FANCM: variants seen among roughly 807,000 people sequenced by gnomAD.
FANCM encodes the protein Fanconi anemia group M protein.
FANCM carries 140 observed loss-of-function variants against 199.5 expected under a neutral mutation model. The observed-to-expected ratio is 0.70, with a 90% confidence interval of 0.61 to 0.81. The LOEUF (loss-of-function observed/expected upper bound fraction) is 0.81. FANCM is among the 30% of genes least tolerant of loss of function. The probability of loss-of-function intolerance (pLI) is 0.00; values close to 1 mark genes in which losing one functional copy is unlikely to be tolerated. For synonymous variants in FANCM, 840 were observed against 836.8 expected (o/e 1.00, Z -0.07); for missense variants, 2,410 against 2,421.4 (o/e 1.00, Z 0.10).
intron 20 of FANCM, among the ~76,000 whole-genome samples, chr14:45,194,042 C>T (rs1889919314): frequency 6.6e-6 from 1 of 152,024 alleles, no homozygotes; most frequent in Non-Finnish European, 1.5e-5. Context: ...TAGCTCATGC[C>T]TGTAATCCCA....
intron 11 of FANCM, among the ~76,000 whole-genome samples, chr14:45,169,994 C>T (rs1888236595): frequency 6.6e-6 from 1 of 152,142 alleles, no homozygotes; most frequent in Non-Finnish European, 1.5e-5. Context: ...CACCAAGCTT[C>T]AGATGAACTT....
chr14:45,149,661 C>T (rs180709755), intron 4 of FANCM, among the ~76,000 whole-genome samples: 8 of 152,290 alleles, frequency 5.3e-5, no homozygotes, highest in African/African-American at 9.6e-5. Context: ...AGCCACCATG[C>T]GCCCGGCCCC....
intron 22 of FANCM, among the ~76,000 whole-genome samples, 181 bp downstream of exon 22, chr14:45,199,116 A>AAAAAAAG (rs1199066495): frequency 1.3e-5 from 2 of 152,200 alleles, no homozygotes; most frequent in African/African-American, 4.8e-5. Context: ...ACATTATTCG[A>AAAAAAAG]AAAAAAGAAA....
In FANCM at chr14:45,181,499, A is replaced by G. The variant is rs752438783; in HGVS notation, c.4292A>G (p.Lys1431Arg). 5.6e-6 allele frequency: 9 copies of G among 1,607,066 alleles called. No homozygotes were observed. In the East Asian group the frequency reaches 1.8e-4, roughly 32 times the overall value. ...TTCCGAAGAAAAGTTAAAAGAGCAAAAGGAAATGTTTTAAACTCTCCTGAG... is the reference window on the plus strand; with the variant it reads ...TTCCGAAGAAAAGTTAAAAGAGCAAGAGGAAATGTTTTAAACTCTCCTGAG... ...EIFRRKVKRAKGNVLNSPEDQ... is the reference protein window; with the variant it reads ...EIFRRKVKRARGNVLNSPEDQ... Residue 1431 changes from lysine to arginine, a missense_variant, in exon 15 of 23, where the codon AAA becomes AGA. Physicochemically the swap from Lys to Arg is conservative, Grantham distance 26. Coordinates refer to ENST00000267430, the MANE Select transcript of FANCM (RefSeq NM_020937.4).
At position 45,173,169 on chromosome 14, in the gene FANCM, A is replaced by C. The variant is rs1431873616; in HGVS notation, c.2275A>C (p.Ile759Leu). ...VDHSDRCRHFIGLMQMIEGMR... is the reference protein window; with the variant it reads ...VDHSDRCRHFLGLMQMIEGMR... ...TCACTCAGATCGATGCCGCCATTTT[A>C]TAGGCCTTATGCAAATGATAGAGGG... is the stretch of plus-strand genomic sequence containing the variant. The change falls in exon 13 of 23, where the codon ATA (isoleucine) becomes CTA (leucine). Residue 759 changes from isoleucine to leucine, a missense_variant. Physicochemically the swap from Ile to Leu is conservative, Grantham distance 5 (BLOSUM62 2). Coordinates refer to ENST00000267430, the MANE Select transcript of FANCM (RefSeq NM_020937.4). 6.2e-7 allele frequency: 1 copy of C among 1,613,810 alleles called. No individual in the cohort carries two copies. The highest frequency in any genetic ancestry group is 8.5e-7 in the Non-Finnish European group (1 of 1,179,760).
chr14:45,170,802 AC>A, intron 12 of FANCM, 56 bp downstream of exon 12: 1 of 1,406,264 alleles, frequency 7.1e-7, no homozygotes, highest in South Asian at 1.2e-5. Flanking sequence ...TAATGCCAGA[AC>A]CCCTCAGATG....
chr14:45,165,797 A>G (rs1398469914), intron 10 of FANCM, among the ~76,000 whole-genome samples: 1 of 152,128 alleles, frequency 6.6e-6, no homozygotes, highest in Non-Finnish European at 1.5e-5. Flanking sequence ...TAGGTTTCTT[A>G]TCTGTAAAAT....
intron 9 of FANCM, among the ~76,000 whole-genome samples, chr14:45,161,634 C>G (rs1887614826): frequency 6.6e-6 from 1 of 152,052 alleles, no homozygotes; most frequent in African/African-American, 2.4e-5. Context: ...CAAAAATTAG[C>G]TGGGTGTGGT....
At position 45,189,139 on chromosome 14, in the gene FANCM, A is replaced by G; in HGVS notation, c.5117A>G (p.Asn1706Ser). 1.2e-6 allele frequency: 2 copies of G among 1,614,224 alleles called. No individual in the cohort carries two copies. The highest frequency in any genetic ancestry group is 2.2e-5 in the South Asian group (2 of 91,092). ...KKNKQQDHCLNSVPSGSSAQS... is the reference protein window; with the variant it reads ...KKNKQQDHCLSSVPSGSSAQS... ...AACAAACAACAGGACCATTGTTTAAATTCAGTGCCTTCTGGATCTTCTGCG... is the reference window on the plus strand; with the variant it reads ...AACAAACAACAGGACCATTGTTTAAGTTCAGTGCCTTCTGGATCTTCTGCG... Residue 1706 changes from asparagine to serine, a missense_variant, in exon 20 of 23, where the codon AAT becomes AGT. By Grantham distance (46) the Asn-to-Ser change is conservative (BLOSUM62 1). Coordinates refer to ENST00000267430, the MANE Select transcript of FANCM (RefSeq NM_020937.4).
intron 4 of FANCM, 54 bp from the exon 5 acceptor site, chr14:45,151,343 A>G: frequency 6.8e-7 from 1 of 1,474,234 alleles, no homozygotes; most frequent in Non-Finnish European, 9.5e-7. Context: ...AAATGATTGT[A>G]CTTGAAAAAG....
intron 20 of FANCM, chr14:45,195,427 A>T: frequency 2.4e-6 from 1 of 420,318 alleles, no homozygotes; most frequent in South Asian, 1.7e-5. Flanking sequence ...TTTATGGAGT[A>T]GATTTATTTT....
In FANCM at chr14:45,175,980, G is replaced by A. The variant is rs2139246823; in HGVS notation, c.3226G>A (p.Asp1076Asn). ...LYDIPNDNIS[D>N]EPSLCDCDVH... ...TGATATACCTAATGATAATATTTCT[G>A]ATGAGCCAAGTCTCTGTGACTGTGA... Residue 1076 changes from aspartate (D) to asparagine (N), a missense_variant, in exon 14 of 23, where the codon GAT becomes AAT. Coordinates refer to ENST00000267430, the MANE Select transcript of FANCM (RefSeq NM_020937.4). 2 of 1,613,606 alleles carry A rather than the reference G, an allele frequency of 1.2e-6. No individual in the cohort carries two copies. The highest frequency in any genetic ancestry group is 1.7e-6 in the Non-Finnish European group (2 of 1,179,686).
At chr14:45,146,949 T>C (rs1039101715) in intron 3 of FANCM, among the ~76,000 whole-genome samples, 2 of 152,084 alleles carry the variant, frequency 1.3e-5, no homozygotes, top group Admixed American at 6.5e-5. Context: ...TGATAATTGG[T>C]CATTCTTTTG....
rs776256629 is a variant in FANCM at position 45,175,513 on chromosome 14, C to T, written c.2759C>T (p.Pro920Leu). The T allele has an allele frequency of 2.5e-5, 40 of 1,612,236 alleles. 1 individual carries two copies. Among genetic ancestry groups the T allele is most frequent in the South Asian group, 2.4e-4 (22 of 90,940 alleles). The change falls in exon 14 of 23, where the codon CCG (proline) becomes CTG (leucine). Residue 920 changes from proline to leucine, a missense_variant. Transcript: ENST00000267430. ...CTINENVIKE[P>L]CVLLTECQFT... ...ATTAATGAAAATGTTATTAAAGAAC[C>T]GTGTGTGTTATTAACAGAGTGTCAG...
At chr14:45,163,650 A>C (rs2139202096) in intron 9 of FANCM, among the ~76,000 whole-genome samples, 1 of 152,348 alleles carries the variant, frequency 6.6e-6, no homozygotes, top group African/African-American at 2.4e-5. Flanking sequence ...AAATATTATA[A>C]GAAATATTTA....
chr14:45,196,817 T>C (rs1196567749), intron 21 of FANCM, among the ~76,000 whole-genome samples: 2 of 152,168 alleles, frequency 1.3e-5, no homozygotes, highest in African/African-American at 4.8e-5. Flanking sequence ...GGGCCTTAAC[T>C]AAGGCAGCAA....
rs1885848310 is a variant in FANCM, at chr14:45,140,634, T to G, written c.684T>G (p.Val228=). The change falls in exon 3 of 23, where the codon GTT becomes GTG. Residue 228 remains valine (V), a splice_region_variant and synonymous_variant. Coordinates refer to ENST00000267430, the MANE Select transcript of FANCM (RefSeq NM_020937.4). ...TAAAGAACTTTTTTTTTCTTAAGGT[T>G]GTAAGAGAACTAGTCAAATATACAA... The part of the protein sequence containing the change: ...KALGNYAYCQ[V]VRELVKYTNH... 1.3e-6 allele frequency: 2 copies of G among 1,579,054 alleles called. No individual in the cohort carries two copies. Among genetic ancestry groups the G allele is most frequent in the Non-Finnish European group, 1.7e-6 (2 of 1,149,574 alleles).
chr14:45,154,929 T>G (rs1887075079), intron 7 of FANCM, 107 bp downstream of exon 7: 1 of 818,158 alleles, frequency 1.2e-6, no homozygotes, highest in Non-Finnish European at 2.0e-6. Context: ...TTATATTTTG[T>G]AGCAACAGAT....
intron 11 of FANCM, among the ~76,000 whole-genome samples, chr14:45,169,811 G>A (rs879868223): frequency 3.4e-4 from 51 of 152,130 alleles, no homozygotes; most frequent in Non-Finnish European, 4.9e-4. Context: ...GATTATAGAA[G>A]CTGAAAAGAA....
Sources: gnomAD v4.1 joint callset for allele counts (sites outside exome capture counted in the v4.1 genomes callset) on GRCh38, gnomAD v4.1.1 for gene constraint, MANE v1.5 for transcripts, NCBI Gene and HGNC (gene_info 2026-07-23, HGNC 2026-07-21) for gene names.